Variants in CBFB observed in about 807,000 individuals in gnomAD.
CBFB encodes core-binding factor subunit beta.
Under a neutral mutation model 30.4 loss-of-function variants are expected in CBFB, and 9 were observed. That is an observed-to-expected ratio of 0.30 (90% confidence interval 0.18 to 0.52). CBFB has a LOEUF of 0.52. Ranked by LOEUF, CBFB falls within the 20% of genes least tolerant of loss-of-function variation. CBFB has a pLI of 0.97. For missense variants in CBFB, 170 were observed against 244.0 expected, an observed-to-expected ratio of 0.70 and a Z score of 2.02; for synonymous variants, 94 against 84.0, an observed-to-expected ratio of 1.12 and a Z score of -0.65.
rs1457381336 is a variant in CBFB, at chr16:67,029,376, G to GCGGC, written c.-23_-20dup. ...GCGGGTGCCCGCGCAAGCCCCGAGC[G>GCGGC]CGGCCGGCCGGCGCGGCCTCAGGGC... On this transcript the variant is annotated 5_prime_UTR_variant, in exon 1 of 6. Transcript: ENST00000412916. 9 of 1,472,918 alleles carry GCGGC rather than the reference G, an allele frequency of 6.1e-6. No individual in the cohort carries two copies. The highest frequency in any genetic ancestry group is 3.9e-5 in the South Asian group (3 of 77,382). 91.2% of individuals were successfully genotyped at this position (1,472,918 alleles called of 1,614,324 possible). A position where few individuals can be genotyped will look rare whatever the true frequency, so the allele number is the denominator to read the frequency against.
intron 3 of CBFB, among the ~76,000 whole-genome samples, chr16:67,065,712 A>G (rs1597143961): frequency 6.6e-6 from 1 of 152,160 alleles, no homozygotes; most frequent in African/African-American, 2.4e-5. Context: ...ATAGTATTTA[A>G]GAATTTCAAC....
chr16:67,063,812 CAGTT>C (rs1489198205), intron 3 of CBFB, among the ~76,000 whole-genome samples: 4 of 151,982 alleles, frequency 2.6e-5, no homozygotes, highest in Admixed American at 2.0e-4. Context: ...TATTGGCAGT[CAGTT>C]ATTGTTATTA....
chr16:67,031,173 AGAGTTGT>A (rs1393423082), intron 2 of CBFB, among the ~76,000 whole-genome samples: 1 of 152,236 alleles, frequency 6.6e-6, no homozygotes, highest in Non-Finnish European at 1.5e-5. Flanking sequence ...AAAGCTTTTT[AGAGTTGT>A]AATAGTGAGA....
intron 2 of CBFB, among the ~76,000 whole-genome samples, chr16:67,035,664 CCTCTTGATTTGAGA>C (rs956727048): frequency 5.3e-5 from 8 of 152,226 alleles, no homozygotes; most frequent in Non-Finnish European, 1.2e-4. Flanking sequence ...CAAATGTGAA[CCTCTTGATTTGAGA>C]TGAAGACTCT....
intron 4 of CBFB, among the ~76,000 whole-genome samples, chr16:67,078,029 G>A (rs1258604459): frequency 6.6e-6 from 1 of 152,186 alleles, no homozygotes; most frequent in African/African-American, 2.4e-5. Context: ...TATCCTACCC[G>A]AACCTGAATG....
chr16:67,093,629 G>A (rs552836632), intron 5 of CBFB: 1 of 152,142 alleles, frequency 6.6e-6, no homozygotes, highest in South Asian at 2.1e-4. Flanking sequence ...GGTAGTAAGA[G>A]GTCTGTAGCA....
intron 4 of CBFB, among the ~76,000 whole-genome samples, chr16:67,074,678 G>A (rs1011643743): frequency 6.6e-6 from 1 of 152,088 alleles, no homozygotes; most frequent in African/African-American, 2.4e-5. Flanking sequence ...ACTGTGCCCG[G>A]CCGAAACAGT....
At chr16:67,072,378 C>T (rs1961248356) in intron 4 of CBFB, among the ~76,000 whole-genome samples, 1 of 152,102 alleles carries the variant, frequency 6.6e-6, no homozygotes, top group Non-Finnish European at 1.5e-5. Flanking sequence ...GATATTTATT[C>T]ATGCACTTTA....
At chr16:67,030,682 C>T (rs1966325252) in intron 2 of CBFB, among the ~76,000 whole-genome samples, 1 of 152,156 alleles carries the variant, frequency 6.6e-6, no homozygotes, top group Non-Finnish European at 1.5e-5. Context: ...TCACTGCAAC[C>T]TTCGCCTCCT....
At chr16:67,074,492 C>T (rs990302541) in intron 4 of CBFB, among the ~76,000 whole-genome samples, 3 of 151,422 alleles carry the variant, frequency 2.0e-5, no homozygotes, top group African/African-American at 7.3e-5. Context: ...AAGTGATTCT[C>T]CTGCCTCAGC....
intron 4 of CBFB, among the ~76,000 whole-genome samples, chr16:67,081,328 A>G (rs1157599683): frequency 6.6e-6 from 1 of 152,024 alleles, no homozygotes; most frequent in Admixed American, 6.6e-5. Flanking sequence ...TTATGGCTGC[A>G]TAGTATAAAT....
intron 3 of CBFB, among the ~76,000 whole-genome samples, chr16:67,046,660 C>T (rs1005623382): frequency 6.6e-6 from 1 of 152,164 alleles, no homozygotes. Flanking sequence ...TCCCTCATGC[C>T]CCCTTGCAGG....
chr16:67,093,738 A>T (rs935233197), intron 5 of CBFB: 1 of 152,194 alleles, frequency 6.6e-6, no homozygotes, highest in Non-Finnish European at 1.5e-5. Context: ...CAATTCTGAA[A>T]TAACTGTTAC....
intron 3 of CBFB, among the ~76,000 whole-genome samples, chr16:67,055,397 C>T (rs1460944361): frequency 2.5e-4 from 27 of 107,596 alleles, no homozygotes; most frequent in African/African-American, 9.7e-4. Flanking sequence ...GACGGAGTCT[C>T]GCTCTGTCGC....
chr16:67,051,666 C>A (rs781129418), intron 3 of CBFB, among the ~76,000 whole-genome samples: 5 of 151,690 alleles, frequency 3.3e-5, no homozygotes, highest in Non-Finnish European at 1.5e-5. Context: ...GTCTAAATGA[C>A]CAACATATAT....
At chr16:67,038,348 ATG>A (rs1034963809) in intron 3 of CBFB, among the ~76,000 whole-genome samples, 15 of 150,836 alleles carry the variant, frequency 9.9e-5, no homozygotes, top group African/African-American at 2.2e-4. Context: ...ATATGTATAT[ATG>A]TGTGTGTATA....
intron 3 of CBFB, among the ~76,000 whole-genome samples, chr16:67,039,473 A>T (rs991894250): frequency 1.3e-5 from 2 of 152,318 alleles, no homozygotes; most frequent in South Asian, 2.1e-4. Context: ...CACTAAATCT[A>T]TAAAAATTAA....
intron 5 of CBFB, 51 bp downstream of exon 5, chr16:67,082,359 C>T (rs748810937): frequency 6.2e-7 from 1 of 1,600,532 alleles, no homozygotes; most frequent in South Asian, 1.1e-5. Context: ...TTCCCCCAAA[C>T]TCTCAGGCTG....
At chr16:67,044,468 T>C (rs1021184254) in intron 3 of CBFB, among the ~76,000 whole-genome samples, 10 of 152,210 alleles carry the variant, frequency 6.6e-5, no homozygotes, top group African/African-American at 1.2e-4. Context: ...CATCGAGAAG[T>C]ATTTATTAAG....
Sources: gnomAD v4.1 joint callset for allele counts (sites outside exome capture counted in the v4.1 genomes callset) on GRCh38, gnomAD v4.1.1 for gene constraint, MANE v1.5 for transcripts, NCBI Gene and HGNC (gene_info 2026-07-23, HGNC 2026-07-21) for gene names.